Variants in GMPS observed in about 807,000 individuals in gnomAD.
The protein encoded by GMPS is guanosine monophosphate synthase.
A neutral mutation model predicts 77.9 loss-of-function variants in GMPS; 15 were observed. The ratio of observed to expected loss-of-function variants is 0.19; its 90% CI spans 0.13 to 0.30. GMPS has a LOEUF of 0.30. Among genes scored for constraint, GMPS ranks in the 10% least tolerant of loss-of-function variants. GMPS has a pLI of 1.00. For synonymous variants in GMPS, 224 were observed against 275.9 expected (o/e 0.81, Z 1.86); for missense variants, 590 against 838.8 (o/e 0.70, Z 3.66).
At chr3:155,915,305 T>A (rs1397226208) in intron 8 of GMPS, among the ~76,000 whole-genome samples, 1 of 150,742 alleles carries the variant, frequency 6.6e-6, no homozygotes, top group African/African-American at 2.4e-5. Flanking sequence ...TGGAGCGATC[T>A]TGGCTCACGG....
In GMPS at chr3:155,939,482, G is replaced by A. The variant is rs1301989587; in HGVS notation, c.*1790G>A. ...TCCACTGAGAAGGTCCATGTAAAAA[G>A]GATTAGGTGGTCATATAAGTTTGGG... is the stretch of plus-strand genomic sequence containing the variant. On this transcript the variant is annotated 3_prime_UTR_variant, in exon 16 of 16. Transcript: ENST00000496455. 2 of 204,682 alleles carry A rather than the reference G, an allele frequency of 9.8e-6. No individual in the cohort carries two copies. The highest frequency in any genetic ancestry group is 4.6e-5 in the African/African-American group (2 of 43,822). 12.7% of individuals were successfully genotyped at this position (204,682 alleles called of 1,614,324 possible).
intron 11 of GMPS, among the ~76,000 whole-genome samples, chr3:155,922,635 A>C (rs1210188979): frequency 6.6e-6 from 1 of 152,192 alleles, no homozygotes; most frequent in Non-Finnish European, 1.5e-5. Flanking sequence ...TGCTCCTCTG[A>C]GGACAGCTAC....
At chr3:155,916,625 T>A (rs1194631678) in intron 9 of GMPS, among the ~76,000 whole-genome samples, 8 of 152,338 alleles carry the variant, frequency 5.3e-5, no homozygotes, top group Non-Finnish European at 7.3e-5. Flanking sequence ...CCAGATAATA[T>A]TCCATCTTAT....
At chr3:155,879,691 A>G (rs1295656119) in intron 1 of GMPS, among the ~76,000 whole-genome samples, 1 of 119,414 alleles carries the variant, frequency 8.4e-6, no homozygotes, top group Non-Finnish European at 1.8e-5. Flanking sequence ...CCATTTCTGT[A>G]TTTTCTTTGG....
At chr3:155,891,006 A>T (rs995522624) in intron 1 of GMPS, among the ~76,000 whole-genome samples, 1 of 152,220 alleles carries the variant, frequency 6.6e-6, no homozygotes, top group Non-Finnish European at 1.5e-5. Context: ...CCATTGACCA[A>T]TCACCAATAG....
In GMPS at chr3:155,934,902, C is replaced by A; in HGVS notation, c.1677-14C>A. ...AATGTAATTGCTGTATTATTTTTAC[C>A]TCTTTGTTTCCAGAGTTGTTTATAT... is the stretch of plus-strand genomic sequence containing the variant. On this transcript the variant is annotated splice_polypyrimidine_tract_variant and intron_variant, in intron 13 of 15. Transcript: ENST00000496455. 6.6e-7 allele frequency: 1 copy of A among 1,519,566 alleles called. No individual in the cohort carries two copies. Among genetic ancestry groups the A allele is most frequent in the Non-Finnish European group, 9.1e-7 (1 of 1,096,512 alleles). The allele number at this position is 1,519,566 out of a possible 1,614,324, so 94.1% of individuals were successfully genotyped here. A position where few individuals can be genotyped will look rare whatever the true frequency, so the allele number is the denominator to read the frequency against.
At chr3:155,870,501 G>T (rs867684144), upstream of GMPS, 3 of 216,276 alleles carry the variant, frequency 1.4e-5, no homozygotes, top group Non-Finnish European at 2.8e-5. Context: ...GGACCGGGCT[G>T]GGGGCGGGGC....
chr3:155,921,622 C>A (rs1025598783), intron 10 of GMPS, among the ~76,000 whole-genome samples: 3 of 152,038 alleles, frequency 2.0e-5, no homozygotes, highest in Admixed American at 2.0e-4. Flanking sequence ...CATAGTGAAA[C>A]CCCTATCTTT....
At chr3:155,895,367 G>A (rs915523509) in intron 2 of GMPS, 1 of 151,950 alleles carries the variant, frequency 6.6e-6, no homozygotes, top group African/African-American at 2.4e-5. Flanking sequence ...ATGCAGTGGT[G>A]CGATCTTGGC....
At chr3:155,926,834 G>C (rs866357941) in intron 12 of GMPS, among the ~76,000 whole-genome samples, 15 of 152,216 alleles carry the variant, frequency 9.9e-5, no homozygotes, top group Middle Eastern at 3.4e-3. Flanking sequence ...AGAGCAGCCT[G>C]ACCAACATGC....
intron 1 of GMPS, among the ~76,000 whole-genome samples, chr3:155,882,245 T>G (rs1754224279): frequency 2.0e-5 from 3 of 152,140 alleles, no homozygotes; most frequent in Admixed American, 1.3e-4. Flanking sequence ...ATACAGGGAA[T>G]GATGAAGAAT....
In GMPS at chr3:155,903,952, A is replaced by G. The variant is rs1304933600; in HGVS notation, c.414A>G (p.Ser138=). The G allele has an allele frequency of 1.2e-5, 16 of 1,355,602 alleles. No individual in the cohort carries two copies. In the East Asian group the frequency reaches 3.3e-4, roughly 28 times the overall value. The allele number at this position is 1,355,602 out of a possible 1,614,324, so 84.0% of individuals were successfully genotyped here. A position where few individuals can be genotyped will look rare whatever the true frequency, so the allele number is the denominator to read the frequency against. Residue 138 remains serine (S), a synonymous_variant, in exon 4 of 16, where the codon TCA becomes TCG. Transcript: ENST00000496455. ...ACATTAGTGTGGATAATACATGTTC[A>G]TTATTCAGGTATTACATTTTTAGAT... ...VFNISVDNTC[S]LFRGLQKEEV... is the part of the protein sequence containing the mutation.
chr3:155,917,262 T>C (rs1437157651), intron 9 of GMPS, among the ~76,000 whole-genome samples: 1 of 152,238 alleles, frequency 6.6e-6, no homozygotes, highest in Non-Finnish European at 1.5e-5. Context: ...TGTGAGCCAC[T>C]GCATCCAGCC....
chr3:155,898,085 C>T, intron 3 of GMPS, 44 bp downstream of exon 3: 2 of 927,744 alleles, frequency 2.2e-6, no homozygotes, highest in South Asian at 1.3e-5. Context: ...ATATTTTATT[C>T]TGTTTGTGAG....
chr3:155,925,832 G>A (rs1378890803), intron 12 of GMPS, among the ~76,000 whole-genome samples: 1 of 152,100 alleles, frequency 6.6e-6, no homozygotes, highest in Non-Finnish European at 1.5e-5. Context: ...CTCCAGATGA[G>A]TAAGTTACAC....
At chr3:155,902,151 A>G (rs1338900540) in intron 3 of GMPS, among the ~76,000 whole-genome samples, 2 of 152,166 alleles carry the variant, frequency 1.3e-5, no homozygotes, top group African/African-American at 4.8e-5. Flanking sequence ...ATACTTTGCT[A>G]GGGCCCTTGG....
chr3:155,889,172 T>TA (rs1191445759), intron 1 of GMPS, among the ~76,000 whole-genome samples: 1 of 152,214 alleles, frequency 6.6e-6, no homozygotes, highest in Non-Finnish European at 1.5e-5. Flanking sequence ...CCTCTTCTGT[T>TA]AAAAAATTAT....
chr3:155,905,110 C>G (rs1226167696), intron 4 of GMPS, among the ~76,000 whole-genome samples: 2 of 152,046 alleles, frequency 1.3e-5, no homozygotes, highest in African/African-American at 4.8e-5. Context: ...CAACCTCCAC[C>G]TCCCGGGTTC....
intron 1 of GMPS, among the ~76,000 whole-genome samples, chr3:155,879,922 A>G (rs2108052518): frequency 7.2e-6 from 1 of 138,444 alleles, no homozygotes; most frequent in Non-Finnish European, 1.5e-5. Flanking sequence ...TTAAAATTGG[A>G]TTATTTTTCT....
Sources: gnomAD v4.1 joint callset for allele counts (sites outside exome capture counted in the v4.1 genomes callset) on GRCh38, gnomAD v4.1.1 for gene constraint, MANE v1.5 for transcripts, NCBI Gene and HGNC (gene_info 2026-07-23, HGNC 2026-07-21) for gene names.